TLR6: variants seen among roughly 807,000 people sequenced by gnomAD.
TLR6 encodes the protein toll like receptor 6, also known as toll-like receptor 6.
TLR6 carries 9 observed loss-of-function variants against 16.1 expected under a neutral mutation model. The ratio of observed to expected loss-of-function variants is 0.56; its 90% CI spans 0.34 to 0.98. The LOEUF (loss-of-function observed/expected upper bound fraction) is 0.98, where lower values mean the gene tolerates loss of function less well. TLR6 is among the 50% of genes least tolerant of loss of function. TLR6 has a pLI of 0.02. For missense variants in TLR6, 786 were observed against 921.0 expected (o/e 0.85, Z 1.90); for synonymous variants, 340 against 338.6 (o/e 1.00, Z -0.04).
chr4:38,867,586 G>C, the TLR6 span: 1 of 152,056 alleles, frequency 6.6e-6, no homozygotes, highest in Non-Finnish European at 1.5e-5. Context: ...GAGGCGGCGC[G>C]CTCTGGCTTT....
chr4:38,847,661 C>T (rs955817789), intron 1 of TLR6, among the ~76,000 whole-genome samples: 73 of 152,320 alleles, frequency 4.8e-4, no homozygotes, highest in Admixed American at 1.8e-3. Flanking sequence ...TGGAGGGTCC[C>T]ACACCCACGG....
upstream of TLR6, among the ~76,000 whole-genome samples, chr4:38,858,040 T>C (rs553138964): frequency 5.7e-4 from 87 of 152,252 alleles, no homozygotes; most frequent in Admixed American, 1.5e-3. Flanking sequence ...CATTAGGAGA[T>C]TGCATCACAA....
upstream of TLR6, among the ~76,000 whole-genome samples, chr4:38,858,799 G>A (rs1713105467): frequency 2.1e-5 from 2 of 96,982 alleles, no homozygotes; most frequent in Admixed American, 1.1e-4. Flanking sequence ...GAGGGAGAGA[G>A]AGAGAGAGAG....
rs765324332 is a variant in TLR6 at position 38,827,957 on chromosome 4, G to C, written c.1517C>G (p.Ser506Ter). 1 of 1,614,164 alleles carries C rather than the reference G, an allele frequency of 6.2e-7. No individual in the cohort carries two copies. The highest frequency in any genetic ancestry group is 1.7e-5 in the Admixed American group (1 of 60,028). ...GAAATCAGCCGATGGGTGGGAAACT[G>C]AATTGTGATCAATGATCAATACAGA... Residue 506 changes from serine (S) to a stop codon, truncating the protein, a stop_gained, in exon 2 of 2, where the codon TCA becomes TGA. Coordinates refer to ENST00000436693, the Ensembl canonical transcript of TLR6. LOFTEE classifies it high-confidence loss of function.
At chr4:38,864,876 A>AG in the TLR6 span, among the ~76,000 whole-genome samples, 1 of 152,088 alleles carries the variant, frequency 6.6e-6, no homozygotes, top group East Asian at 1.9e-4. Context: ...TGCTGGGTGC[A>AG]GTGGCACCCT....
At chr4:38,851,144 A>C (rs1222886290) in intron 1 of TLR6, among the ~76,000 whole-genome samples, 1 of 152,202 alleles carries the variant, frequency 6.6e-6, no homozygotes, top group Non-Finnish European at 1.5e-5. Context: ...TGATTATCTC[A>C]ATAGATGCAG....
upstream of TLR6, among the ~76,000 whole-genome samples, chr4:38,860,922 C>T (rs569418905): frequency 1.4e-3 from 210 of 152,156 alleles, 2 homozygotes; most frequent in Middle Eastern, 3.4e-3. Flanking sequence ...CTGGGAGGGG[C>T]CGGGCATACG....
At chr4:38,836,152 GAT>G (rs1438982679) in intron 1 of TLR6, among the ~76,000 whole-genome samples, 2 of 151,500 alleles carry the variant, frequency 1.3e-5, no homozygotes, top group Non-Finnish European at 2.9e-5. Flanking sequence ...AAACAAAAGA[GAT>G]ATTTAAAAAT....
At chr4:38,853,236 G>T (rs958001448) in intron 1 of TLR6, among the ~76,000 whole-genome samples, 1 of 125,702 alleles carries the variant, frequency 8.0e-6, no homozygotes, top group Non-Finnish European at 1.7e-5. Context: ...GTCGTGGGGT[G>T]GGGGGAGGGG....
chr4:38,863,177 A>G, the TLR6 span, among the ~76,000 whole-genome samples: 1 of 152,098 alleles, frequency 6.6e-6, no homozygotes, highest in African/African-American at 2.4e-5. Context: ...AGCTTCTTTG[A>G]ACTATTAGCA....
intron 1 of TLR6, among the ~76,000 whole-genome samples, chr4:38,837,006 C>T (rs1579247470): frequency 6.7e-6 from 1 of 150,034 alleles, no homozygotes; most frequent in East Asian, 1.9e-4. Flanking sequence ...AAGACAATTA[C>T]AATACCTAGG....
chr4:38,867,459 A>G, the TLR6 span, among the ~76,000 whole-genome samples: 1 of 152,136 alleles, frequency 6.6e-6, no homozygotes, highest in African/African-American at 2.4e-5. Context: ...CAGGAGATCA[A>G]ACTTTAGCTG....
intron 1 of TLR6, among the ~76,000 whole-genome samples, chr4:38,841,141 A>G: frequency 6.6e-6 from 1 of 152,098 alleles, no homozygotes. Context: ...TTGCTATGCT[A>G]TGTATTTCAT....
chr4:38,843,186 G>A (rs538750202), intron 1 of TLR6, among the ~76,000 whole-genome samples: 2 of 152,300 alleles, frequency 1.3e-5, no homozygotes, highest in African/African-American at 4.8e-5. Flanking sequence ...GAGGCAGGGC[G>A]GCAGGTGCAT....
At chr4:38,846,236 G>A (rs1401617700) in intron 1 of TLR6, among the ~76,000 whole-genome samples, 1 of 152,138 alleles carries the variant, frequency 6.6e-6, no homozygotes, top group African/African-American at 2.4e-5. Context: ...GCATGATACT[G>A]CAGAAAGCAA....
chr4:38,867,497 C>T, the TLR6 span, among the ~76,000 whole-genome samples: 1 of 152,160 alleles, frequency 6.6e-6, no homozygotes, highest in African/African-American at 2.4e-5. Context: ...CCCAGTGACA[C>T]GGCGGGGGGT....
chr4:38,829,625 C>T (rs1727736136), intron 1 of TLR6, 88 bp from the exon 2 acceptor site: 3 of 587,660 alleles, frequency 5.1e-6, no homozygotes, highest in Non-Finnish European at 6.0e-6. Context: ...TAAATGATTT[C>T]TTCATTCACT....
intron 1 of TLR6, among the ~76,000 whole-genome samples, chr4:38,842,852 CT>C (rs200422208): frequency 5.1e-4 from 76 of 148,362 alleles, no homozygotes; most frequent in African/African-American, 5.4e-4. Flanking sequence ...ATATACTGTG[CT>C]TTTTTTTTTT....
chr4:38,832,161 A>G (rs937219545), intron 1 of TLR6, among the ~76,000 whole-genome samples: 9 of 152,248 alleles, frequency 5.9e-5, no homozygotes, highest in African/African-American at 2.2e-4. Context: ...ATACTATTGA[A>G]CAATTAAAAA....
Sources: gnomAD v4.1 joint callset for allele counts (sites outside exome capture counted in the v4.1 genomes callset) on GRCh38, gnomAD v4.1.1 for gene constraint, MANE v1.5 for transcripts, NCBI Gene and HGNC (gene_info 2026-07-23, HGNC 2026-07-21) for gene names.